Variants in ENOX1 observed in about 807,000 individuals in gnomAD.
The protein encoded by ENOX1 is ecto-NOX disulfide-thiol exchanger 1, also known as candidate growth-related and time keeping constitutive hydroquinone (NADH) oxidase.
Under a neutral mutation model 82.5 loss-of-function variants are expected in ENOX1, and 42 were observed. The ratio of observed to expected loss-of-function variants is 0.51; its 90% confidence interval spans 0.40 to 0.66. The LOEUF (loss-of-function observed/expected upper bound fraction) is 0.66. ENOX1 is among the 30% of genes least tolerant of loss of function. ENOX1 has a pLI of 0.00. For synonymous variants in ENOX1, 271 were observed against 282.2 expected, an observed-to-expected ratio of 0.96 and a Z score of 0.40; for missense variants, 608 against 811.6, an observed-to-expected ratio of 0.75 and a Z score of 3.05.
intron 1 of ENOX1, among the ~76,000 whole-genome samples, chr13:43,705,552 A>G (rs948363695): frequency 6.6e-6 from 1 of 152,088 alleles, no homozygotes; most frequent in Non-Finnish European, 1.5e-5. Context: ...AACAAAGTAG[A>G]CTTCAAGCCA....
chr13:43,538,469 G>T (rs2078562455), intron 2 of ENOX1, among the ~76,000 whole-genome samples: 2 of 152,018 alleles, frequency 1.3e-5, no homozygotes, highest in African/African-American at 4.8e-5. Flanking sequence ...AATTAATGTT[G>T]AATTTTAATA....
chr13:43,302,145 A>T (rs2046614686), intron 11 of ENOX1, among the ~76,000 whole-genome samples: 1 of 151,892 alleles, frequency 6.6e-6, no homozygotes, highest in African/African-American at 2.4e-5. Flanking sequence ...ATCTTTCGGT[A>T]GGAATTCCTA....
At chr13:43,552,175 G>C (rs1037023744) in intron 2 of ENOX1, among the ~76,000 whole-genome samples, 1 of 152,062 alleles carries the variant, frequency 6.6e-6, no homozygotes, top group African/African-American at 2.4e-5. Flanking sequence ...TTCATTGACA[G>C]TTTCAACTTC....
chr13:43,477,956 T>C (rs1434380377), intron 3 of ENOX1, among the ~76,000 whole-genome samples: 2 of 151,796 alleles, frequency 1.3e-5, no homozygotes, highest in Non-Finnish European at 2.9e-5. Flanking sequence ...GCTCATTCAC[T>C]GGGTGCTGGG....
chr13:43,743,960 T>C, intron 1 of ENOX1, among the ~76,000 whole-genome samples: 1 of 152,034 alleles, frequency 6.6e-6, no homozygotes, highest in East Asian at 1.9e-4. Flanking sequence ...AGTCTCACAA[T>C]AGCAAACTCA....
intron 3 of ENOX1, among the ~76,000 whole-genome samples, chr13:43,440,821 T>C (rs1233296594): frequency 6.6e-6 from 1 of 152,184 alleles, no homozygotes; most frequent in Non-Finnish European, 1.5e-5. Context: ...ACAAGAATAC[T>C]ATGTTTTGAT....
intron 8 of ENOX1, among the ~76,000 whole-genome samples, chr13:43,355,046 C>T (rs1368725253): frequency 1.3e-5 from 2 of 152,214 alleles, no homozygotes; most frequent in Non-Finnish European, 2.9e-5. Context: ...TAGACACCTA[C>T]ATGTGGCCAC....
intron 3 of ENOX1, among the ~76,000 whole-genome samples, chr13:43,462,902 T>C (rs926482600): frequency 1.3e-5 from 2 of 152,152 alleles, no homozygotes; most frequent in African/African-American, 4.8e-5. Context: ...AATTTGTTAA[T>C]GAGTCATAGC....
At chr13:43,610,184 ATATTG>A (rs2082138447) in intron 2 of ENOX1, among the ~76,000 whole-genome samples, 1 of 152,196 alleles carries the variant, frequency 6.6e-6, no homozygotes, top group Non-Finnish European at 1.5e-5. Flanking sequence ...CTCCAACATA[ATATTG>A]TAAAGTCAAA....
rs2081388589 is a variant in ENOX1, at chr13:43,594,725, T to G, written c.-219+72754A>C. Reference sequence around the variant, plus strand: ...TGTCTCATGGGCTCATAGCTAACTATTAGCAAAGCCAACATTCAAACCCAG... The same window carrying G: ...TGTCTCATGGGCTCATAGCTAACTAGTAGCAAAGCCAACATTCAAACCCAG... On this transcript the variant is annotated intron_variant, in intron 2 of 16. Transcript: ENST00000690772. 2.0e-5 allele frequency among the ~76,000 whole-genome samples: 3 copies of G among 152,288 alleles called. No homozygotes were observed. In the South Asian group the frequency reaches 6.2e-4, roughly 32 times the overall value.
intron 16 of ENOX1, among the ~76,000 whole-genome samples, chr13:43,216,790 T>G (rs4465509): frequency 0.71 from 107,744 of 152,034 alleles, 39,761 homozygotes; most frequent in Non-Finnish European, 0.82. Flanking sequence ...AGGGAGGGGA[T>G]AAAAAGCTAA....
chr13:43,376,409 G>A (rs1010595972), intron 5 of ENOX1, among the ~76,000 whole-genome samples: 5 of 152,112 alleles, frequency 3.3e-5, no homozygotes, highest in Non-Finnish European at 4.4e-5. Context: ...AACAAAGATT[G>A]CTATAATACA....
intron 2 of ENOX1, among the ~76,000 whole-genome samples, chr13:43,604,276 G>A (rs2081879951): frequency 6.6e-6 from 1 of 151,668 alleles, no homozygotes; most frequent in African/African-American, 2.4e-5. Context: ...TGTAGATTCT[G>A]GATATTAGCC....
chr13:43,420,115 C>T (rs1355830922), intron 3 of ENOX1, among the ~76,000 whole-genome samples: 1 of 152,204 alleles, frequency 6.6e-6, no homozygotes, highest in Non-Finnish European at 1.5e-5. Context: ...GTTCACTCTC[C>T]TTTTCCATCA....
At chr13:43,469,917 T>A (rs1195371112) in intron 3 of ENOX1, among the ~76,000 whole-genome samples, 2 of 151,778 alleles carry the variant, frequency 1.3e-5, no homozygotes, top group Non-Finnish European at 2.9e-5. Flanking sequence ...TACACTGATA[T>A]ATAAAGAGCT....
chr13:43,755,500 A>C (rs1950601246), intron 1 of ENOX1, among the ~76,000 whole-genome samples: 1 of 152,166 alleles, frequency 6.6e-6, no homozygotes, highest in Admixed American at 6.5e-5. Flanking sequence ...CACTCACTCT[A>C]AATAACCACT....
chr13:43,606,772 T>C (rs2153734782), intron 2 of ENOX1, among the ~76,000 whole-genome samples: 1 of 152,086 alleles, frequency 6.6e-6, no homozygotes, highest in African/African-American at 2.4e-5. Context: ...TCCCAGAACT[T>C]TGGGAGGCTG....
At chr13:43,784,996 A>G (rs771210219) in intron 1 of ENOX1, among the ~76,000 whole-genome samples, 2 of 152,238 alleles carry the variant, frequency 1.3e-5, no homozygotes, top group Non-Finnish European at 2.9e-5. Context: ...TATGCATTTT[A>G]TGCAATGCTC....
intron 3 of ENOX1, among the ~76,000 whole-genome samples, chr13:43,438,043 T>C (rs968678400): frequency 6.6e-6 from 1 of 152,182 alleles, no homozygotes; most frequent in African/African-American, 2.4e-5. Flanking sequence ...GTGAAAAGTA[T>C]GTGGCATGAT....
Sources: allele counts gnomAD v4.1 joint callset (sites outside exome capture counted in the v4.1 genomes callset), GRCh38; gene constraint gnomAD v4.1.1; transcripts MANE v1.5; gene names NCBI Gene and HGNC (gene_info 2026-07-23, HGNC 2026-07-21).